ZNF280B: variants seen among roughly 807,000 people sequenced by gnomAD.
The protein encoded by ZNF280B is zinc finger protein 280B, also known as suppressor of hairy wing homolog 2.
A neutral mutation model predicts 38.0 loss-of-function variants in ZNF280B; 16 were observed. The observed-to-expected ratio is 0.42, with a 90% CI of 0.28 to 0.64. ZNF280B has a LOEUF of 0.64. ZNF280B is among the 30% of genes least tolerant of loss of function. The pLI, the probability that ZNF280B is intolerant of heterozygous loss-of-function variation, is 0.21. For synonymous variants in ZNF280B, 253 were observed against 230.6 expected (o/e 1.10, Z -0.88); for missense variants, 581 against 639.6 (o/e 0.91, Z 0.99).
At chr22:22,500,508 G>T (rs2061794969) in intron 2 of ZNF280B, among the ~76,000 whole-genome samples, 1 of 151,818 alleles carries the variant, frequency 6.6e-6, no homozygotes, top group Non-Finnish European at 1.5e-5. Context: ...AAATACTTTT[G>T]TATTTGTATA....
intron 2 of ZNF280B, among the ~76,000 whole-genome samples, chr22:22,496,019 T>G (rs2061686515): frequency 6.6e-6 from 1 of 151,350 alleles, no homozygotes; most frequent in South Asian, 2.1e-4. Context: ...TTGGCCAGGC[T>G]GGTCTCGAAC....
chr22:22,495,654 G>C (rs530710154), intron 2 of ZNF280B, among the ~76,000 whole-genome samples: 2 of 152,066 alleles, frequency 1.3e-5, no homozygotes, highest in East Asian at 3.9e-4. Flanking sequence ...GGTCAGAGAG[G>C]TAGCAAGAGT....
intron 2 of ZNF280B, among the ~76,000 whole-genome samples, chr22:22,502,000 A>T (rs1338825993): frequency 6.6e-6 from 1 of 151,006 alleles, no homozygotes; most frequent in Non-Finnish European, 1.5e-5. Context: ...CCAGCTACTC[A>T]GGGGTGGAAT....
intron 2 of ZNF280B, among the ~76,000 whole-genome samples, chr22:22,506,085 G>C (rs2061933109): frequency 6.6e-6 from 1 of 151,946 alleles, no homozygotes; most frequent in Admixed American, 6.6e-5. Context: ...GGATGTGAAG[G>C]AGAGGAGGAG....
intron 2 of ZNF280B, among the ~76,000 whole-genome samples, chr22:22,502,267 T>C (rs1237373192): frequency 4.6e-5 from 7 of 151,958 alleles, no homozygotes; most frequent in Admixed American, 4.6e-4. Flanking sequence ...TTACTTCACA[T>C]CCACTAGGTT....
intron 2 of ZNF280B, among the ~76,000 whole-genome samples, chr22:22,497,991 T>C (rs1347527040): frequency 6.6e-6 from 1 of 151,922 alleles, no homozygotes; most frequent in Non-Finnish European, 1.5e-5. Context: ...AAACAAACCA[T>C]GGTATATACA....
intron 3 of ZNF280B, among the ~76,000 whole-genome samples, chr22:22,490,767 C>A (rs1260907666): frequency 6.6e-6 from 1 of 151,870 alleles, no homozygotes; most frequent in Non-Finnish European, 1.5e-5. Context: ...TGCACCTGGC[C>A]CTCCCTGCTA....
chr22:22,493,661 C>T (rs377216388), intron 3 of ZNF280B, among the ~76,000 whole-genome samples: 1 of 151,910 alleles, frequency 6.6e-6, no homozygotes, highest in African/African-American at 2.4e-5. Context: ...TGGCCCCCAG[C>T]CCAGGCCGCA....
intron 1 of ZNF280B, among the ~76,000 whole-genome samples, 168 bp downstream of exon 1, chr22:22,508,491 C>G (rs1204195028): frequency 6.6e-6 from 1 of 151,768 alleles, no homozygotes; most frequent in Non-Finnish European, 1.5e-5. Context: ...GATCGTGGGA[C>G]CTGCTTCTGC....
chr22:22,504,670 A>C lies in ZNF280B; in HGVS notation c.-187+3140T>G, dbSNP rs540784132. 9.6e-4 allele frequency among the ~76,000 whole-genome samples: 146 copies of C among 152,084 alleles called. 1 individual carries two copies. The highest frequency in any genetic ancestry group is 3.4e-3 in the African/African-American group (143 of 41,502). ...CACATTTGATGTTCTGATGTTTGCT[A>C]TTTTAGTGGAACTATAGCTATAAAA... On this transcript the variant is annotated intron_variant, in intron 2 of 3. Coordinates refer to ENST00000626650, the MANE Select transcript of ZNF280B (RefSeq NM_080764.4).
chr22:22,488,339 T>C lies in ZNF280B; in HGVS notation c.1060A>G (p.Thr354Ala), dbSNP rs41277495. Residue 354 changes from threonine (T) to alanine (A), a missense_variant, in exon 4 of 4, where the codon ACT (threonine) becomes GCT (alanine). Thr to Ala is a moderately conservative substitution (Grantham distance 58). Coordinates refer to ENST00000626650, the MANE Select transcript of ZNF280B (RefSeq NM_080764.4). ...ATGTGACACTGTAGCTGGAAGGGAG[T>C]GGGAAACTGCCGGTGGCAGTGCTGG... ...TCQHCHRQFP[T>A]PFQLQCHIEN... is the part of the protein sequence containing the mutation. 3.5e-3 allele frequency: 5,632 copies of C among 1,613,570 alleles called. 20 individuals carry two copies. The highest frequency in any genetic ancestry group is 4.1e-3 in the Non-Finnish European group (4,844 of 1,179,912).
intron 3 of ZNF280B, among the ~76,000 whole-genome samples, chr22:22,489,678 TA>T (rs75673310): frequency 0.17 from 24,131 of 145,526 alleles, 2,176 homozygotes; most frequent in South Asian, 0.31. Flanking sequence ...TATTCCATTT[TA>T]AAAAAAAAAA....
At chr22:22,500,497 C>T (rs993439557) in intron 2 of ZNF280B, among the ~76,000 whole-genome samples, 1 of 151,784 alleles carries the variant, frequency 6.6e-6, no homozygotes, top group Non-Finnish European at 1.5e-5. Context: ...CACAAAAAGA[C>T]AAATACTTTT....
Position 22,486,118 on chromosome 22 carries a change from C to T in ZNF280B, c.*1649G>A, listed in dbSNP as rs1434227535. The stretch of plus-strand genomic sequence containing the variant: ...CACACTGGTGTGTGTCAGGTAAGAC[C>T]CAAACAGCATTAGTGTCAAAAAACT... On this transcript the variant is annotated 3_prime_UTR_variant, in exon 4 of 4. Coordinates refer to ENST00000626650, the MANE Select transcript of ZNF280B (RefSeq NM_080764.4). 1 of 151,846 alleles carries T rather than the reference C, an allele frequency of 6.6e-6. No homozygotes were observed. The highest frequency in any genetic ancestry group is 1.5e-5 in the Non-Finnish European group (1 of 67,992). 9.4% of individuals were successfully genotyped at this position (151,846 alleles called of 1,614,324 possible). A position where few individuals can be genotyped will look rare whatever the true frequency, so the allele number is the denominator to read the frequency against.
intron 1 of ZNF280B, among the ~76,000 whole-genome samples, 194 bp downstream of exon 1, chr22:22,508,465 G>C (rs11913154): frequency 2.0e-5 from 3 of 151,690 alleles, no homozygotes; most frequent in African/African-American, 4.8e-5. Context: ...ATTAGGGAAG[G>C]GGGTGTGCGT....
Position 22,489,636 on chromosome 22 carries a change from A to G in ZNF280B, c.-68-170T>C, listed in dbSNP as rs540801925. On this transcript the variant is annotated intron_variant, in intron 3 of 3. Transcript: ENST00000626650. ...TAAAAGATCAGGTTCCTATGAATCTAGAATCATAACTTTGCTGTACTGATT... is the reference window on the plus strand; with the variant it reads ...TAAAAGATCAGGTTCCTATGAATCTGGAATCATAACTTTGCTGTACTGATT... Among the ~76,000 whole-genome samples the G allele has an allele frequency of 6.5e-4, 99 of 151,974 alleles. 1 individual carries two copies. The South Asian group carries it at 0.02, about 31-fold the overall frequency.
In ZNF280B at chr22:22,495,792, A is replaced by AT. The variant is rs796601752; in HGVS notation, c.-186-1613dup. 4.9e-3 allele frequency among the ~76,000 whole-genome samples: 703 copies of AT among 144,526 alleles called. 8 individuals are homozygous for AT. The highest frequency in any genetic ancestry group is 0.021 in the East Asian group (101 of 4,844). 94.8% of individuals were successfully genotyped at this position (144,526 alleles called of 152,430 possible). A position where few individuals can be genotyped will look rare whatever the true frequency, so the allele number is the denominator to read the frequency against. ...CTCCCCTCCTAGACTCTCAGGCTAG[A>AT]TTTTTTTTTTTTTTAATTGAGACGG... On this transcript the variant is annotated intron_variant, in intron 2 of 3. Coordinates refer to ENST00000626650, the MANE Select transcript of ZNF280B (RefSeq NM_080764.4).
At chr22:22,501,043 A>C (rs868644665) in intron 2 of ZNF280B, among the ~76,000 whole-genome samples, 103 of 137,112 alleles carry the variant, frequency 7.5e-4, no homozygotes, top group Middle Eastern at 8.5e-3. Context: ...AAAAAAAAAC[A>C]AAAAACCAAA....
At chr22:22,491,457 C>CTTTTTTTTTTTTTTTTTT (rs55720546) in intron 3 of ZNF280B, among the ~76,000 whole-genome samples, 6 of 113,970 alleles carry the variant, frequency 5.3e-5, no homozygotes, top group Non-Finnish European at 9.4e-5. Context: ...TGTCTTTTTT[C>CTTTTTTTTTTTTTTTTTT]TTTTTTTTTT....
Sources: allele counts gnomAD v4.1 joint callset (sites outside exome capture counted in the v4.1 genomes callset), GRCh38; gene constraint gnomAD v4.1.1; transcripts MANE v1.5; gene names NCBI Gene and HGNC (gene_info 2026-07-23, HGNC 2026-07-21).